The following SPMIP7 variants were observed in gnomAD, a reference collection of about 807,000 sequenced individuals.
SPMIP7 encodes protein SPMIP7.
chr7:50,152,124 G>T, the SPMIP7 span, among the ~76,000 whole-genome samples: 1 of 152,278 alleles, frequency 6.6e-6, no homozygotes, highest in Non-Finnish European at 1.5e-5. Flanking sequence ...GAGGTGGGCA[G>T]ATCACTTGAG....
chr7:50,106,602 T>C, the SPMIP7 span, among the ~76,000 whole-genome samples: 1 of 152,202 alleles, frequency 6.6e-6, no homozygotes. Flanking sequence ...TTAAACACTT[T>C]TAAAGTGTAA....
At chr7:50,099,884 C>T in the SPMIP7 span, among the ~76,000 whole-genome samples, 2 of 152,142 alleles carry the variant, frequency 1.3e-5, no homozygotes, top group African/African-American at 2.4e-5. Flanking sequence ...CATCTTCCCC[C>T]AGGGGGTTAA....
chr7:50,143,049 T>C, the SPMIP7 span, among the ~76,000 whole-genome samples: 1 of 152,168 alleles, frequency 6.6e-6, no homozygotes, highest in Non-Finnish European at 1.5e-5. Flanking sequence ...TTAAAGTTTC[T>C]TGAAGAGAAA....
the SPMIP7 span, among the ~76,000 whole-genome samples, chr7:50,120,685 C>T: frequency 6.6e-6 from 1 of 152,160 alleles, no homozygotes; most frequent in Non-Finnish European, 1.5e-5. Context: ...TTGCAGGCGT[C>T]CTAAATGGTG....
the SPMIP7 span, among the ~76,000 whole-genome samples, chr7:50,130,015 G>T: frequency 2.0e-5 from 3 of 152,080 alleles, no homozygotes; most frequent in Non-Finnish European, 4.4e-5. Context: ...AAAGTAAATG[G>T]TCAAAGAGGG....
the SPMIP7 span, chr7:50,104,504 G>A: frequency 1.1e-5 from 4 of 374,250 alleles, no homozygotes; most frequent in Non-Finnish European, 1.7e-5. Context: ...TTAGTTATTT[G>A]ATATTGTATG....
At chr7:50,147,211 A>G in the SPMIP7 span, among the ~76,000 whole-genome samples, 2 of 152,246 alleles carry the variant, frequency 1.3e-5, no homozygotes, top group Non-Finnish European at 2.9e-5. Context: ...TAAATAAAAG[A>G]CTATCACATT....
chr7:50,133,119 G>T, the SPMIP7 span, among the ~76,000 whole-genome samples: 1 of 152,100 alleles, frequency 6.6e-6, no homozygotes, highest in Non-Finnish European at 1.5e-5. Context: ...TAGAATGAGG[G>T]TTGTATGGTT....
chr7:50,121,420 T>G, the SPMIP7 span: 5 of 152,188 alleles, frequency 3.3e-5, no homozygotes, highest in Non-Finnish European at 4.4e-5. Flanking sequence ...CAGCCAAGCT[T>G]TCAGCCAATC....
chr7:50,112,425 C>T, the SPMIP7 span, among the ~76,000 whole-genome samples: 1 of 151,960 alleles, frequency 6.6e-6, no homozygotes, highest in Non-Finnish European at 1.5e-5. Context: ...TAGCAACACC[C>T]CTGACCTCAC....
the SPMIP7 span, chr7:50,159,198 G>A: frequency 1.9e-6 from 3 of 1,545,980 alleles, no homozygotes; most frequent in Non-Finnish European, 2.6e-6. Context: ...GGCTGTCCAG[G>A]CCTCCGCCTG....
chr7:50,114,944 C>T, the SPMIP7 span, among the ~76,000 whole-genome samples: 8 of 150,318 alleles, frequency 5.3e-5, no homozygotes, highest in Admixed American at 5.3e-4. Flanking sequence ...GCAGTAGAGA[C>T]ACTTGAACCT....
chr7:50,144,498 T>C, the SPMIP7 span, among the ~76,000 whole-genome samples: 1 of 152,250 alleles, frequency 6.6e-6, no homozygotes, highest in Non-Finnish European at 1.5e-5. Flanking sequence ...AACAAGTTTA[T>C]ATTGCCCAAG....
the SPMIP7 span, among the ~76,000 whole-genome samples, chr7:50,096,957 C>A: frequency 1.3e-5 from 2 of 152,250 alleles, no homozygotes; most frequent in South Asian, 2.1e-4. Flanking sequence ...GTATAGAAAT[C>A]CTCCTTATCT....
At chr7:50,116,655 A>G in the SPMIP7 span, among the ~76,000 whole-genome samples, 292 of 152,346 alleles carry the variant, frequency 1.9e-3, 1 homozygote, top group African/African-American at 6.7e-3. Context: ...ATGTTTAAAA[A>G]GTTTAGAGCT....
chr7:50,103,262 C>T, the SPMIP7 span, among the ~76,000 whole-genome samples: 5 of 152,056 alleles, frequency 3.3e-5, no homozygotes, highest in South Asian at 2.1e-4. Context: ...TGGATTAATT[C>T]GTGGAACAAA....
chr7:50,145,570 G>GTA, the SPMIP7 span, among the ~76,000 whole-genome samples: 828 of 82,222 alleles, frequency 0.01, 33 homozygotes, highest in African/African-American at 0.035. Context: ...ATATATATAT[G>GTA]TATATATATA....
At chr7:50,113,394 A>G in the SPMIP7 span, among the ~76,000 whole-genome samples, 4 of 152,206 alleles carry the variant, frequency 2.6e-5, no homozygotes, top group African/African-American at 9.6e-5. Flanking sequence ...AGTGACAGAC[A>G]TAGAAGACCA....
the SPMIP7 span, among the ~76,000 whole-genome samples, chr7:50,144,521 T>C: frequency 6.6e-6 from 1 of 152,250 alleles, no homozygotes; most frequent in Admixed American, 6.5e-5. Flanking sequence ...CTGAATACTT[T>C]TCTTGTTGTA....
Sources: allele counts gnomAD v4.1 joint callset (sites outside exome capture counted in the v4.1 genomes callset), GRCh38; gene constraint gnomAD v4.1.1; transcripts MANE v1.5; gene names NCBI Gene and HGNC (gene_info 2026-07-23, HGNC 2026-07-21).